Variants in NR2F1-AS1 observed in about 807,000 individuals in gnomAD.
NR2F1-AS1 encodes NR2F1 regulatory antisense RNA 1.
chr5:93,445,638 C>T (rs1410979323), intron 4 of NR2F1-AS1, among the ~76,000 whole-genome samples: 1 of 152,084 alleles, frequency 6.6e-6, no homozygotes, highest in East Asian at 1.9e-4. Context: ...GGAGCTGGTA[C>T]CATTCCTTCT....
intron 4 of NR2F1-AS1, among the ~76,000 whole-genome samples, chr5:93,434,213 A>G (rs907801812): frequency 4.6e-5 from 7 of 152,068 alleles, no homozygotes; most frequent in African/African-American, 9.7e-5. Context: ...GTGATCTTCA[A>G]ATTATATTCA....
intron 4 of NR2F1-AS1, among the ~76,000 whole-genome samples, chr5:93,482,538 C>G (rs575786342): frequency 6.6e-6 from 1 of 152,130 alleles, no homozygotes; most frequent in Non-Finnish European, 1.5e-5. Context: ...TGGGCAGACA[C>G]CGAGCTAACT....
At chr5:93,549,767 T>C (rs1218068229) in intron 4 of NR2F1-AS1, among the ~76,000 whole-genome samples, 1 of 152,092 alleles carries the variant, frequency 6.6e-6, no homozygotes, top group East Asian at 1.9e-4. Context: ...ATATACACCA[T>C]GGAATACTAT....
intron 4 of NR2F1-AS1, among the ~76,000 whole-genome samples, chr5:93,450,124 G>A (rs1749796426): frequency 6.6e-6 from 1 of 152,126 alleles, no homozygotes. Flanking sequence ...CGAATTTTAA[G>A]TTAGAAATGG....
At chr5:93,515,555 T>C (rs1315350747) in intron 4 of NR2F1-AS1, among the ~76,000 whole-genome samples, 1 of 151,984 alleles carries the variant, frequency 6.6e-6, no homozygotes, top group African/African-American at 2.4e-5. Flanking sequence ...TACTAGACTA[T>C]AAGCAAGGAC....
intron 4 of NR2F1-AS1, among the ~76,000 whole-genome samples, chr5:93,527,638 C>T (rs1306081023): frequency 6.6e-6 from 1 of 152,028 alleles, no homozygotes; most frequent in Non-Finnish European, 1.5e-5. Flanking sequence ...GGTACTGGTA[C>T]CAAAACAGAG....
chr5:93,461,174 T>G (rs1750082900), intron 4 of NR2F1-AS1, among the ~76,000 whole-genome samples: 1 of 152,180 alleles, frequency 6.6e-6, no homozygotes, highest in Admixed American at 6.5e-5. Flanking sequence ...CGAGATCATG[T>G]CCTTTGCAAG....
intron 4 of NR2F1-AS1, among the ~76,000 whole-genome samples, chr5:93,451,141 A>G (rs1172174575): frequency 6.6e-6 from 1 of 152,012 alleles, no homozygotes; most frequent in Non-Finnish European, 1.5e-5. Flanking sequence ...ATTTTCAGGA[A>G]AGTGATACCC....
At chr5:93,531,896 C>A (rs1751743327) in intron 4 of NR2F1-AS1, among the ~76,000 whole-genome samples, 1 of 152,150 alleles carries the variant, frequency 6.6e-6, no homozygotes, top group Non-Finnish European at 1.5e-5. Flanking sequence ...TTATTTATTT[C>A]TATTCCTGGA....
In NR2F1-AS1 at chr5:93,448,995, T is replaced by C. The variant is rs1251272348; in HGVS notation, n.639-53453A>G. Among the ~76,000 whole-genome samples the C allele has an allele frequency of 2.6e-5, 4 of 152,206 alleles. No homozygotes were observed. In the South Asian group the frequency reaches 8.3e-4, roughly 32 times the overall value. On this transcript the variant is annotated intron_variant and non_coding_transcript_variant, in intron 4 of 5. Transcript: ENST00000660523. The stretch of plus-strand genomic sequence containing the variant: ...GCTTTGAATCTTATTTTCTATCAAG[T>C]ATCAAGGATCAAGCATATACCAATA...
chr5:93,585,062 C>T, upstream of NR2F1-AS1: 1 of 1,035,506 alleles, frequency 9.7e-7, no homozygotes, highest in South Asian at 4.0e-5. Flanking sequence ...ATCCGCAGGA[C>T]GACGTGGCCG....
intron 4 of NR2F1-AS1, among the ~76,000 whole-genome samples, chr5:93,497,940 A>C (rs1377984970): frequency 6.6e-6 from 1 of 152,192 alleles, no homozygotes; most frequent in East Asian, 1.9e-4. Flanking sequence ...CACAGCTTTA[A>C]ATAGCACATA....
intron 4 of NR2F1-AS1, among the ~76,000 whole-genome samples, chr5:93,414,829 C>T (rs1035402180): frequency 1.3e-5 from 2 of 152,022 alleles, no homozygotes; most frequent in East Asian, 3.9e-4. Context: ...GCAATGACAA[C>T]AAATTTTGGT....
chr5:93,467,285 A>T (rs1274513251), intron 4 of NR2F1-AS1, among the ~76,000 whole-genome samples: 1 of 152,190 alleles, frequency 6.6e-6, no homozygotes, highest in Admixed American at 6.5e-5. Context: ...AAAAACTCAT[A>T]TGATGCAGGG....
intron 4 of NR2F1-AS1, among the ~76,000 whole-genome samples, chr5:93,438,169 G>A (rs1020293080): frequency 5.3e-5 from 8 of 152,102 alleles, no homozygotes; most frequent in African/African-American, 1.9e-4. Flanking sequence ...TGGGATTTGG[G>A]GAATTCATAG....
chr5:93,584,364 C>A (rs887567303), upstream of NR2F1-AS1: 1 of 149,570 alleles, frequency 6.7e-6, no homozygotes, highest in South Asian at 1.8e-4. Flanking sequence ...TCCTCTATGT[C>A]GGCTCAGCCC....
At chr5:93,585,114 C>CGCGGCG (rs954495672), upstream of NR2F1-AS1, 42 of 987,390 alleles carry the variant, frequency 4.3e-5, no homozygotes, top group South Asian at 4.6e-5. Flanking sequence ...GCAGGCGGCC[C>CGCGGCG]GCGGCGGCGG....
intron 4 of NR2F1-AS1, among the ~76,000 whole-genome samples, chr5:93,494,368 C>G (rs1028889292): frequency 6.6e-6 from 1 of 152,132 alleles, no homozygotes; most frequent in African/African-American, 2.4e-5. Flanking sequence ...TAGTGGCTCA[C>G]GCCTGTAATC....
intron 4 of NR2F1-AS1, among the ~76,000 whole-genome samples, chr5:93,494,264 T>A (rs1750912838): frequency 2.0e-5 from 3 of 152,178 alleles, no homozygotes; most frequent in Admixed American, 2.0e-4. Context: ...TCAACATCAC[T>A]GGTCATTAAG....
Sources: gnomAD v4.1 joint callset for allele counts (sites outside exome capture counted in the v4.1 genomes callset) on GRCh38, gnomAD v4.1.1 for gene constraint, MANE v1.5 for transcripts, NCBI Gene and HGNC (gene_info 2026-07-23, HGNC 2026-07-21) for gene names.